Variants in PTPRD observed in about 807,000 individuals in gnomAD.
PTPRD encodes receptor-type tyrosine-protein phosphatase delta.
In PTPRD, 34 loss-of-function variants were observed where a neutral mutation model predicts 214.5. The observed-to-expected ratio is 0.16, with a 90% CI of 0.12 to 0.21. PTPRD has a LOEUF of 0.21. Among genes scored for constraint, PTPRD ranks in the 10% least tolerant of loss-of-function variants. The pLI, the probability that PTPRD is intolerant of heterozygous loss-of-function variation, is 1.00. For missense variants in PTPRD, 2,545 were observed against 2,398.7 expected (o/e 1.06, Z -1.27); for synonymous variants, 1,128 against 845.7 (o/e 1.33, Z -5.79).
chr9:10,289,116 GGATGAGTATAA>G lies in PTPRD; in HGVS notation c.-545+51836_-545+51846del, dbSNP rs376801998. Among the ~76,000 whole-genome samples the G allele has an allele frequency of 2.9e-3, 441 of 152,008 alleles. 2 individuals carry two copies. Among genetic ancestry groups the G allele is most frequent in the African/African-American group, 0.01 (416 of 41,458 alleles). ...ATTTAATGAAAAGCCTTCCAGGATG[GGATGAGTATAA>G]GAGTCTATGCTATAAAGTTGAAAGG... On this transcript the variant is annotated intron_variant, in intron 3 of 45. Coordinates refer to ENST00000381196, the MANE Select transcript of PTPRD (RefSeq NM_002839.4).
intron 12 of PTPRD, chr9:8,713,708 C>T (rs567796645): frequency 1.3e-6 from 2 of 1,510,094 alleles, no homozygotes; most frequent in South Asian, 1.1e-5. Context: ...GAAGAGATCG[C>T]GGCCAGCAAG....
chr9:9,786,643 C>T (rs191302860), intron 5 of PTPRD, among the ~76,000 whole-genome samples: 45 of 152,108 alleles, frequency 3.0e-4, no homozygotes, highest in African/African-American at 1.0e-3. Flanking sequence ...TTCTAGATCT[C>T]GATCCTTGAG....
intron 12 of PTPRD, among the ~76,000 whole-genome samples, chr9:8,642,558 T>C (rs1196384989): frequency 2.0e-5 from 3 of 152,156 alleles, no homozygotes; most frequent in Non-Finnish European, 4.4e-5. Flanking sequence ...TCATCTCTGA[T>C]CTTTCTTTCT....
At chr9:9,433,530 A>T (rs2084036311) in intron 8 of PTPRD, among the ~76,000 whole-genome samples, 1 of 150,976 alleles carries the variant, frequency 6.6e-6, no homozygotes, top group South Asian at 2.1e-4. Context: ...TTTAGAAACT[A>T]ATTAAGTAAA....
intron 5 of PTPRD, among the ~76,000 whole-genome samples, chr9:9,900,032 A>T (rs2076019544): frequency 6.6e-6 from 1 of 152,156 alleles, no homozygotes; most frequent in African/African-American, 2.4e-5. Context: ...AAAACAAGAA[A>T]AAAATGAAAT....
At chr9:9,894,801 A>G (rs2074483220) in intron 5 of PTPRD, among the ~76,000 whole-genome samples, 2 of 152,094 alleles carry the variant, frequency 1.3e-5, no homozygotes, top group South Asian at 4.1e-4. Context: ...TACCTGTTAC[A>G]TACACGGTAA....
At chr9:9,774,083 C>T (rs532634576) in intron 5 of PTPRD, among the ~76,000 whole-genome samples, 26 of 152,274 alleles carry the variant, frequency 1.7e-4, no homozygotes, top group Admixed American at 1.7e-3. Context: ...CTGCCTTGTT[C>T]AAGTCATAGT....
intron 11 of PTPRD, among the ~76,000 whole-genome samples, chr9:8,770,091 A>G (rs57421642): frequency 0.058 from 8,865 of 151,654 alleles, 662 homozygotes; most frequent in African/African-American, 0.18. Flanking sequence ...GACCAGCCTG[A>G]CCAACATAGT....
chr9:8,429,236 C>G (rs2094890708), intron 35 of PTPRD, among the ~76,000 whole-genome samples: 3 of 148,840 alleles, frequency 2.0e-5, no homozygotes, highest in Non-Finnish European at 4.5e-5. Flanking sequence ...GTGTTTATAT[C>G]AGGTAAGTTA....
intron 14 of PTPRD, among the ~76,000 whole-genome samples, chr9:8,562,788 ATTCATGTTTTTGG>A (rs2086933701): frequency 6.6e-6 from 1 of 151,690 alleles, no homozygotes; most frequent in Non-Finnish European, 1.5e-5. Context: ...TATCATTAAG[ATTCATGTTTTTGG>A]TGTTGTAGCT....
chr9:10,001,855 A>C lies in PTPRD; in HGVS notation c.-472+31863T>G, dbSNP rs115067111. On this transcript the variant is annotated intron_variant, in intron 4 of 45. Coordinates refer to ENST00000381196, the MANE Select transcript of PTPRD (RefSeq NM_002839.4). ...CAGTAACTTGAGTCCACATGGAGGAATAAAGAGTACAGACAAACAAACAAT... is the reference window on the plus strand; with the variant it reads ...CAGTAACTTGAGTCCACATGGAGGACTAAAGAGTACAGACAAACAAACAAT... Among the ~76,000 whole-genome samples, 917 of 152,224 alleles carry C rather than the reference A, an allele frequency of 6.0e-3. 8 individuals carry two copies. The highest frequency in any genetic ancestry group is 0.021 in the African/African-American group (855 of 41,558).
At chr9:10,548,882 ACACTGT>A (rs1195308621) in intron 2 of PTPRD, among the ~76,000 whole-genome samples, 1 of 152,190 alleles carries the variant, frequency 6.6e-6, no homozygotes, top group East Asian at 1.9e-4. Flanking sequence ...GATCTTTAGG[ACACTGT>A]TAATGTGCAT....
In PTPRD at chr9:9,941,820, T is replaced by A. The variant is rs1010109029; in HGVS notation, c.-471-3210A>T. Reference sequence around the variant, plus strand: ...CTGGGAAGCCTTGCTGGAAAATTCATGTCATTCATTCCAAGGTTGCCAAAA... The same window carrying A: ...CTGGGAAGCCTTGCTGGAAAATTCAAGTCATTCATTCCAAGGTTGCCAAAA... On this transcript the variant is annotated intron_variant, in intron 4 of 45. Transcript: ENST00000381196. Among the ~76,000 whole-genome samples the A allele has an allele frequency of 3.9e-5, 6 of 152,178 alleles. 1 individual carries two copies. The highest frequency in any genetic ancestry group is 2.0e-4 in the Admixed American group (3 of 15,268).
chr9:9,728,489 C>A (rs1181129541), intron 7 of PTPRD, among the ~76,000 whole-genome samples: 1 of 152,104 alleles, frequency 6.6e-6, no homozygotes, highest in Non-Finnish European at 1.5e-5. Flanking sequence ...ATGTTGGTGG[C>A]ATTTAAATTA....
At chr9:9,672,631 G>A (rs534832424) in intron 7 of PTPRD, among the ~76,000 whole-genome samples, 1 of 152,100 alleles carries the variant, frequency 6.6e-6, no homozygotes, top group Non-Finnish European at 1.5e-5. Flanking sequence ...GAGATTTGAA[G>A]TAAATTTTTG....
At chr9:9,118,717 C>A (rs753505673) in intron 10 of PTPRD, among the ~76,000 whole-genome samples, 1 of 152,088 alleles carries the variant, frequency 6.6e-6, no homozygotes, top group Non-Finnish European at 1.5e-5. Context: ...GATAATTGAA[C>A]AAATAAGGTG....
chr9:8,561,199 C>G (rs1206423714), intron 14 of PTPRD, among the ~76,000 whole-genome samples: 1 of 152,128 alleles, frequency 6.6e-6, no homozygotes, highest in Non-Finnish European at 1.5e-5. Context: ...TCCTGCCCAC[C>G]TTTGAGTGGT....
chr9:9,319,584 C>G (rs757593243), intron 9 of PTPRD, among the ~76,000 whole-genome samples: 1 of 152,132 alleles, frequency 6.6e-6, no homozygotes, highest in Non-Finnish European at 1.5e-5. Context: ...TACATAGGCT[C>G]ATTTCCCCAT....
intron 3 of PTPRD, among the ~76,000 whole-genome samples, chr9:10,330,014 C>T (rs1256471908): frequency 6.6e-6 from 1 of 151,782 alleles, no homozygotes; most frequent in Non-Finnish European, 1.5e-5. Flanking sequence ...AAGTTGGACT[C>T]TAGTAGACAT....
Sources: gnomAD v4.1 joint callset for allele counts (sites outside exome capture counted in the v4.1 genomes callset) on GRCh38, gnomAD v4.1.1 for gene constraint, MANE v1.5 for transcripts, NCBI Gene and HGNC (gene_info 2026-07-23, HGNC 2026-07-21) for gene names.